PSD3: variants seen among roughly 807,000 people sequenced by gnomAD.
The protein encoded by PSD3 is pleckstrin and Sec7 domain containing 3.
Under a neutral mutation model 105.5 loss-of-function variants are expected in PSD3, and 49 were observed. That is an observed-to-expected ratio of 0.46 (90% CI 0.37 to 0.59). PSD3 has a LOEUF of 0.59. Ranked by LOEUF, PSD3 falls within the 20% of genes least tolerant of loss-of-function variation. PSD3 has a pLI of 0.00. For missense variants in PSD3, 1,561 were observed against 1,263.8 expected, an observed-to-expected ratio of 1.24 and a Z score of -3.57; for synonymous variants, 557 against 457.8, an observed-to-expected ratio of 1.22 and a Z score of -2.77.
rs145371355 is a variant in PSD3 at position 18,682,813 on chromosome 8, G to A, written c.2173-27128C>T. Among the ~76,000 whole-genome samples, 526 of 152,140 alleles carry A rather than the reference G, an allele frequency of 3.5e-3. 2 individuals are homozygous for A. Among genetic ancestry groups the A allele is most frequent in the Non-Finnish European group, 5.2e-3 (357 of 68,014 alleles). On this transcript the variant is annotated intron_variant, in intron 9 of 15. Coordinates refer to ENST00000327040, the MANE Select transcript of PSD3 (RefSeq NM_015310.4). ...GCAGAGGAGGAGGGCAGTGGGGAGTGGTGGGAGGGTGAAGAAAGCCTGATG... is the reference window on the plus strand; with the variant it reads ...GCAGAGGAGGAGGGCAGTGGGGAGTAGTGGGAGGGTGAAGAAAGCCTGATG...
intron 1 of PSD3, among the ~76,000 whole-genome samples, chr8:19,010,912 CG>C (rs1282398629): frequency 6.6e-6 from 1 of 151,514 alleles, no homozygotes; most frequent in Non-Finnish European, 1.5e-5. Context: ...CCAGACGGTC[CG>C]GGAAGAACCC....
chr8:18,991,375 C>CACACACACACACACACAT (rs1563491972), intron 1 of PSD3, among the ~76,000 whole-genome samples: 3 of 147,766 alleles, frequency 2.0e-5, no homozygotes, highest in African/African-American at 7.6e-5. Context: ...CACACACATA[C>CACACACACACACACACAT]ACACACACAC....
chr8:18,912,516 C>T (rs1470246830), intron 2 of PSD3, among the ~76,000 whole-genome samples: 1 of 152,138 alleles, frequency 6.6e-6, no homozygotes, highest in Non-Finnish European at 1.5e-5. Flanking sequence ...ACCTAAAAAT[C>T]TTTAATTTAG....
At chr8:18,690,785 C>T (rs1800933365) in intron 9 of PSD3, among the ~76,000 whole-genome samples, 1 of 152,218 alleles carries the variant, frequency 6.6e-6, no homozygotes, top group Admixed American at 6.5e-5. Flanking sequence ...CCTTCGACCC[C>T]AGCCTGCTGA....
Position 18,851,839 on chromosome 8 carries a change from G to C in PSD3, c.1634+15835C>G, listed in dbSNP as rs186169630. Among the ~76,000 whole-genome samples, 14 of 152,334 alleles carry C rather than the reference G, an allele frequency of 9.2e-5. No individual in the cohort carries two copies. In the East Asian group the frequency reaches 2.1e-3, roughly 23 times the overall value. On this transcript the variant is annotated intron_variant, in intron 4 of 15. Coordinates refer to ENST00000327040, the MANE Select transcript of PSD3 (RefSeq NM_015310.4). ...GAGGATAGACTAGAAACTGACAGTGGAGATTCCTTCTGGAGAGTGGGACCA... is the reference window on the plus strand; with the variant it reads ...GAGGATAGACTAGAAACTGACAGTGCAGATTCCTTCTGGAGAGTGGGACCA...
At chr8:19,011,271 C>G (rs1399849463) in intron 1 of PSD3, among the ~76,000 whole-genome samples, 1 of 152,172 alleles carries the variant, frequency 6.6e-6, no homozygotes, top group Non-Finnish European at 1.5e-5. Flanking sequence ...CTGCAATTAA[C>G]CTATCACCAC....
intron 4 of PSD3, among the ~76,000 whole-genome samples, chr8:18,833,915 T>C (rs141581198): frequency 2.0e-5 from 3 of 152,036 alleles, no homozygotes; most frequent in East Asian, 1.9e-4. Flanking sequence ...ATAAAAACAA[T>C]AGCTTTAATA....
chr8:18,767,642 G>A (rs1277570475), intron 8 of PSD3, among the ~76,000 whole-genome samples: 3 of 152,152 alleles, frequency 2.0e-5, no homozygotes, highest in African/African-American at 7.2e-5. Context: ...AGCTACTTGG[G>A]AGGCTGAGGC....
At chr8:18,537,086 T>G (rs568297024) in intron 15 of PSD3, among the ~76,000 whole-genome samples, 1 of 152,330 alleles carries the variant, frequency 6.6e-6, no homozygotes, top group Non-Finnish European at 1.5e-5. Context: ...AGCTGCTTCG[T>G]TTAACAATGG....
intron 9 of PSD3, among the ~76,000 whole-genome samples, chr8:18,657,617 G>A (rs943862998): frequency 1.3e-5 from 2 of 152,106 alleles, no homozygotes; most frequent in African/African-American, 2.4e-5. Flanking sequence ...CTATGATATA[G>A]TTAATGTATC....
chr8:18,688,499 G>C (rs760458354), intron 9 of PSD3, among the ~76,000 whole-genome samples: 47 of 152,194 alleles, frequency 3.1e-4, no homozygotes, highest in Non-Finnish European at 6.2e-4. Context: ...ATTCGAGCAT[G>C]TGAATGTATC....
chr8:18,984,491 A>T (rs921446749), intron 1 of PSD3, among the ~76,000 whole-genome samples: 2 of 152,276 alleles, frequency 1.3e-5, no homozygotes, highest in Admixed American at 1.3e-4. Context: ...CATACATTAA[A>T]AATACCAAAA....
At chr8:18,968,659 G>C (rs926666686) in intron 1 of PSD3, among the ~76,000 whole-genome samples, 2 of 151,954 alleles carry the variant, frequency 1.3e-5, no homozygotes, top group Non-Finnish European at 2.9e-5. Context: ...GGCAGATCAC[G>C]AGGTCAGGAG....
At position 18,981,777 on chromosome 8, in the gene PSD3, ATACTTTATTGCT is replaced by A. The variant is rs1217698964; in HGVS notation, c.21+31774_21+31785del. Among the ~76,000 whole-genome samples, 4 of 150,576 alleles carry A rather than the reference ATACTTTATTGCT, an allele frequency of 2.7e-5. No individual in the cohort carries two copies. The East Asian group carries it at 7.7e-4, about 29-fold the overall frequency. On this transcript the variant is annotated intron_variant, in intron 1 of 15. Transcript: ENST00000327040. ...TCAATGTACACATCTTGATTAAAAA[ATACTTTATTGCT>A]AAAAAAAATACTGACAATCATCTGA...
At chr8:18,602,820 G>C (rs1804532458) in intron 11 of PSD3, among the ~76,000 whole-genome samples, 1 of 152,156 alleles carries the variant, frequency 6.6e-6, no homozygotes, top group Admixed American at 6.5e-5. Flanking sequence ...GACCCTTGGT[G>C]AGGCTCTTCA....
At chr8:18,905,300 C>T (rs1819768009) in intron 2 of PSD3, among the ~76,000 whole-genome samples, 1 of 152,174 alleles carries the variant, frequency 6.6e-6, no homozygotes, top group African/African-American at 2.4e-5. Context: ...CCATGCCTCA[C>T]CAACTCTCAG....
chr8:19,066,294 A>C (rs1829073584), intron 1 of PSD3, among the ~76,000 whole-genome samples: 1 of 152,212 alleles, frequency 6.6e-6, no homozygotes, highest in Admixed American at 6.5e-5. Context: ...AATCCATCTC[A>C]GTTCTGAGAA....
chr8:19,061,256 A>G (rs1275489228), intron 1 of PSD3, among the ~76,000 whole-genome samples: 1 of 152,164 alleles, frequency 6.6e-6, no homozygotes, highest in Admixed American at 6.5e-5. Context: ...CAAACAAACA[A>G]AAAAGATGAA....
chr8:18,707,291 T>C (rs1027767169), intron 9 of PSD3, among the ~76,000 whole-genome samples: 20 of 152,186 alleles, frequency 1.3e-4, no homozygotes. Context: ...CTGTGTCAAG[T>C]CTATGAGACT....
Sources: allele counts gnomAD v4.1 joint callset (sites outside exome capture counted in the v4.1 genomes callset), GRCh38; gene constraint gnomAD v4.1.1; transcripts MANE v1.5; gene names NCBI Gene and HGNC (gene_info 2026-07-23, HGNC 2026-07-21).